The following ALDH7A1 variants were observed in gnomAD, a reference collection of about 807,000 sequenced individuals.
ALDH7A1 encodes aldehyde dehydrogenase 7 family member A1, also known as alpha-aminoadipic semialdehyde dehydrogenase.
ALDH7A1 carries 63 observed loss-of-function variants against 79.9 expected under a neutral mutation model. The ratio of observed to expected loss-of-function variants is 0.79; its 90% CI spans 0.64 to 0.97. The LOEUF is 0.97. Ranked by LOEUF, ALDH7A1 falls within the 50% of genes least tolerant of loss-of-function variation. The pLI is 0.00. For synonymous variants in ALDH7A1, 240 were observed against 231.2 expected (o/e 1.04, Z -0.34); for missense variants, 627 against 665.2 (o/e 0.94, Z 0.63).
intron 5 of ALDH7A1, 194 bp downstream of exon 5, chr5:126,582,657 T>C: frequency 1.4e-6 from 1 of 695,888 alleles, no homozygotes; most frequent in Non-Finnish European, 2.3e-6. Flanking sequence ...GTTTTATCTT[T>C]AAAACAAAAA....
At position 126,564,338 on chromosome 5, in the gene ALDH7A1, G is replaced by A. The variant is rs753075305; in HGVS notation, c.872-3214C>T. 1.2e-3 allele frequency: 421 copies of A among 339,580 alleles called. 5 individuals are homozygous for A. The highest frequency in any genetic ancestry group is 2.4e-4 in the Non-Finnish European group (46 of 190,672). The allele number at this position is 339,580 out of a possible 1,614,324, so 21.0% of individuals were successfully genotyped here. The stretch of plus-strand genomic sequence containing the variant: ...TTTTTTTGTATTTTAGTAGGGATGG[G>A]AGTTTCACCATGTAGCCCAGGCTGG... On this transcript the variant is annotated intron_variant, in intron 9 of 17. Transcript: ENST00000409134.
chr5:126,550,670 G>A (rs552896865), intron 14 of ALDH7A1, among the ~76,000 whole-genome samples: 1 of 152,214 alleles, frequency 6.6e-6, no homozygotes, highest in South Asian at 2.1e-4. Flanking sequence ...TTACAGATTG[G>A]GCAACTGAGG....
rs1460548135 is a variant in ALDH7A1 at position 126,595,206 on chromosome 5, C to G, written c.-8G>C. 17 of 1,551,716 alleles carry G rather than the reference C, an allele frequency of 1.1e-5. No homozygotes were observed. Among genetic ancestry groups the G allele is most frequent in the Non-Finnish European group, 1.4e-5 (16 of 1,147,048 alleles). ...GCGAGGAAGGCGCCACATACTGAGCCCGGGACTCGGGATGAGCCCAAGGCC... is the reference window on the plus strand; with the variant it reads ...GCGAGGAAGGCGCCACATACTGAGCGCGGGACTCGGGATGAGCCCAAGGCC... On this transcript the variant is annotated 5_prime_UTR_variant, in exon 1 of 18. Transcript: ENST00000409134.
intron 9 of ALDH7A1, chr5:126,562,238 T>C (rs1581372277): frequency 1.3e-5 from 2 of 151,510 alleles, no homozygotes; most frequent in African/African-American, 4.9e-5. Flanking sequence ...GGTCTGACTC[T>C]GTTGCCCAGG....
chr5:126,593,906 C>T (rs925927437), intron 1 of ALDH7A1: 5 of 267,006 alleles, frequency 1.9e-5, no homozygotes, highest in Non-Finnish European at 7.4e-6. Flanking sequence ...ACACGGAAAT[C>T]AGGATGAAAC....
Position 126,550,311 on chromosome 5 carries a change from G to A in ALDH7A1, c.1318-18C>T. ...TCTTCATTCTAAAAGGAGAGACATT[G>A]GAAGCTGTAAGATGTTATAGTGTTC... On this transcript the variant is annotated intron_variant, in intron 14 of 17. Coordinates refer to ENST00000409134, the MANE Select transcript of ALDH7A1 (RefSeq NM_001182.5). 6 of 1,569,988 alleles carry A rather than the reference G, an allele frequency of 3.8e-6. No homozygotes were observed. The highest frequency in any genetic ancestry group is 5.3e-6 in the Non-Finnish European group (6 of 1,141,290).
rs763217060 is a variant in ALDH7A1 at position 126,577,193 on chromosome 5, A to G, written c.536T>C (p.Ile179Thr). 8 of 1,614,164 alleles carry G rather than the reference A, an allele frequency of 5.0e-6. No homozygotes were observed. The highest frequency in any genetic ancestry group is 4.4e-5 in the South Asian group (4 of 91,078). The stretch of plus-strand genomic sequence containing the variant: ...CAGGCCTACGGGATTCCACTGCTCA[A>G]TCAGTGCATGGCCAGATCCTGAGGA... ...LPSERSGHAL[I>T]EQWNPVGLVG... Residue 179 changes from isoleucine (I) to threonine (T), a missense_variant, in exon 6 of 18, where the codon ATT (isoleucine) becomes ACT (threonine). Physicochemically the swap from Ile to Thr is moderately conservative, Grantham distance 89 (BLOSUM62 -1). Coordinates refer to ENST00000409134, the MANE Select transcript of ALDH7A1 (RefSeq NM_001182.5).
At chr5:126,557,307 C>T (rs1750228071) in intron 11 of ALDH7A1, among the ~76,000 whole-genome samples, 1 of 152,154 alleles carries the variant, frequency 6.6e-6, no homozygotes, top group South Asian at 2.1e-4. Context: ...GTGTGAGAGG[C>T]CGGGTGCGGT....
intron 1 of ALDH7A1, chr5:126,594,453 T>G: frequency 3.4e-6 from 1 of 298,242 alleles, no homozygotes; most frequent in South Asian, 2.9e-5. Flanking sequence ...TTTTTTTTTT[T>G]TTTTTTTTGA....
intron 5 of ALDH7A1, among the ~76,000 whole-genome samples, chr5:126,580,367 G>A (rs1010677274): frequency 6.6e-6 from 1 of 152,144 alleles, no homozygotes; most frequent in Non-Finnish European, 1.5e-5. Context: ...AAAGTGCTGG[G>A]ATTACAGGCG....
chr5:126,576,330 GT>G (rs1272997805), intron 6 of ALDH7A1, among the ~76,000 whole-genome samples: 1 of 150,354 alleles, frequency 6.7e-6, no homozygotes, highest in Non-Finnish European at 1.5e-5. Context: ...AAGAAATACA[GT>G]TATTAGTCCT....
At chr5:126,555,152 C>A in intron 12 of ALDH7A1, 1 of 153,580 alleles carries the variant, frequency 6.5e-6, no homozygotes, top group Non-Finnish European at 1.4e-5. Context: ...GATCGGGAGC[C>A]TGCAAAAAAG....
chr5:126,556,776 G>T (rs1750210779), intron 11 of ALDH7A1, among the ~76,000 whole-genome samples: 1 of 152,162 alleles, frequency 6.6e-6, no homozygotes, highest in South Asian at 2.1e-4. Context: ...TCTCTGGGTA[G>T]TTGTCAGGTC....
intron 3 of ALDH7A1, among the ~76,000 whole-genome samples, chr5:126,585,299 A>G (rs1035430371): frequency 4.6e-5 from 7 of 151,486 alleles, no homozygotes; most frequent in Middle Eastern, 6.3e-3. Context: ...ATTCTGTCTC[A>G]AAAAAAATAA....
intron 5 of ALDH7A1, chr5:126,581,863 A>T (rs1413391299): frequency 1.2e-5 from 3 of 256,050 alleles, no homozygotes; most frequent in Non-Finnish European, 2.2e-5. Flanking sequence ...CTGTAATCCC[A>T]GCTACTCAGG....
chr5:126,577,035 AT>A (rs766085116), intron 6 of ALDH7A1, 43 bp downstream of exon 6: 1 of 1,612,410 alleles, frequency 6.2e-7, no homozygotes, highest in African/African-American at 1.3e-5. Flanking sequence ...AGAAATGGCT[AT>A]TTTTATCACT....
rs536472415 is a variant in ALDH7A1 at position 126,590,639 on chromosome 5, C to T, written c.312+2025G>A. Among the ~76,000 whole-genome samples, 3 of 152,218 alleles carry T rather than the reference C, an allele frequency of 2.0e-5. No individual in the cohort carries two copies. The East Asian group carries it at 5.8e-4, about 29-fold the overall frequency. On this transcript the variant is annotated intron_variant, in intron 3 of 17. Coordinates refer to ENST00000409134, the MANE Select transcript of ALDH7A1 (RefSeq NM_001182.5). ...GTGGTTCACGCCTGTAATCCCAGCACTTTGGGAGGCCAAAGAGGGCAGATC... is the reference window on the plus strand; with the variant it reads ...GTGGTTCACGCCTGTAATCCCAGCATTTTGGGAGGCCAAAGAGGGCAGATC...
At chr5:126,554,179 G>A in intron 13 of ALDH7A1, 108 bp downstream of exon 13, 1 of 813,866 alleles carries the variant, frequency 1.2e-6, no homozygotes, top group South Asian at 1.4e-5. Flanking sequence ...GACAGGAGAA[G>A]AAGGATGTCA....
chr5:126,570,498 C>T (rs1408751809), intron 8 of ALDH7A1: 1 of 379,924 alleles, frequency 2.6e-6, no homozygotes, highest in African/African-American at 2.1e-5. Flanking sequence ...AACCAAGTGT[C>T]AGGAAGTCAC....
Sources: allele counts gnomAD v4.1 joint callset (sites outside exome capture counted in the v4.1 genomes callset), GRCh38; gene constraint gnomAD v4.1.1; transcripts MANE v1.5; gene names NCBI Gene and HGNC (gene_info 2026-07-23, HGNC 2026-07-21).